The following MTHFD2L variants were observed in gnomAD, a reference collection of about 807,000 sequenced individuals.
MTHFD2L encodes bifunctional methylenetetrahydrofolate dehydrogenase/cyclohydrolase 2, mitochondrial.
A neutral mutation model predicts 34.9 loss-of-function variants in MTHFD2L; 29 were observed. That is an observed-to-expected ratio of 0.83 (90% confidence interval 0.62 to 1.13). MTHFD2L has a LOEUF of 1.13. Among genes scored for constraint, MTHFD2L ranks in the 50% most tolerant of loss-of-function variants. The pLI is 0.00. For synonymous variants in MTHFD2L, 167 were observed against 155.7 expected (o/e 1.07, Z -0.54); for missense variants, 481 against 446.5 (o/e 1.08, Z -0.70).
At chr4:74,146,249 G>A (rs1723586309) in intron 1 of MTHFD2L, among the ~76,000 whole-genome samples, 2 of 152,102 alleles carry the variant, frequency 1.3e-5, no homozygotes, top group Non-Finnish European at 2.9e-5. Flanking sequence ...TTGCCACTAG[G>A]AGTAAACATT....
chr4:74,251,237 T>C (rs1743268005), intron 6 of MTHFD2L, among the ~76,000 whole-genome samples: 1 of 152,226 alleles, frequency 6.6e-6, no homozygotes, highest in Admixed American at 6.5e-5. Context: ...TTTACAAGAA[T>C]TCAGTGTAAT....
At chr4:74,118,080 T>C (rs1294060795) in intron 2 of MTHFD2L, among the ~76,000 whole-genome samples, 1 of 152,212 alleles carries the variant, frequency 6.6e-6, no homozygotes, top group Non-Finnish European at 1.5e-5. Flanking sequence ...GCTTGGTACA[T>C]AGGGTGTTGA....
intron 6 of MTHFD2L, among the ~76,000 whole-genome samples, chr4:74,243,682 T>C (rs996768405): frequency 6.6e-6 from 1 of 152,202 alleles, no homozygotes; most frequent in Non-Finnish European, 1.5e-5. Flanking sequence ...TGTTGTTTTA[T>C]TTTTTGTTTG....
rs778746256 is a variant in MTHFD2L at position 74,301,559 on chromosome 4, CTGTT to C, written c.932-136_932-133del. 2,565 of 510,702 alleles carry C rather than the reference CTGTT, an allele frequency of 5.0e-3. 15 individuals carry two copies. The highest frequency in any genetic ancestry group is 0.012 in the Middle Eastern group (23 of 1,910). 31.6% of individuals were successfully genotyped at this position (510,702 alleles called of 1,614,324 possible). A position where few individuals can be genotyped will look rare whatever the true frequency, so the allele number is the denominator to read the frequency against. ...TGTGTGTGTGTGTGTGTGTGTGTGT[CTGTT>C]TATTACAGCCTACTTGATTCTAAAA... On this transcript the variant is annotated intron_variant, in intron 7 of 7. Coordinates refer to ENST00000325278, the MANE Select transcript of MTHFD2L (RefSeq NM_001144978.3).
intron 5 of MTHFD2L, among the ~76,000 whole-genome samples, chr4:74,201,671 G>A (rs1009593061): frequency 2.0e-5 from 3 of 151,364 alleles, no homozygotes; most frequent in Non-Finnish European, 2.9e-5. Flanking sequence ...ATGCCCTCAG[G>A]AAATACAAAA....
chr4:74,267,616 G>A (rs1745476233), intron 6 of MTHFD2L: 1 of 470,212 alleles, frequency 2.1e-6, no homozygotes, highest in Non-Finnish European at 2.8e-6. Flanking sequence ...GTTGCTGTTT[G>A]TAGTGACAAG....
intron 5 of MTHFD2L, among the ~76,000 whole-genome samples, chr4:74,206,665 TTGTA>T (rs1369755765): frequency 6.6e-6 from 1 of 152,198 alleles, no homozygotes; most frequent in Non-Finnish European, 1.5e-5. Context: ...TTTTACTTAT[TTGTA>T]TGTAGTCATC....
intron 1 of MTHFD2L, chr4:74,162,281 C>G (rs1451076833): frequency 6.6e-6 from 1 of 152,074 alleles, no homozygotes; most frequent in Non-Finnish European, 1.5e-5. Flanking sequence ...TTTTTATTGT[C>G]TAGTTCTTGG....
At chr4:74,216,997 A>G (rs1474617027) in intron 5 of MTHFD2L, among the ~76,000 whole-genome samples, 1 of 151,750 alleles carries the variant, frequency 6.6e-6, no homozygotes, top group African/African-American at 2.4e-5. Context: ...AATAACATCC[A>G]GGTTCCTTAC....
rs76115589 is a variant in MTHFD2L at position 74,169,435 on chromosome 4, T to G, written c.144-5071T>G. The stretch of plus-strand genomic sequence containing the variant: ...TGTGAACAAATTATTTTGTTTAATG[T>G]GAGTGAATCAATAATGTGTCAGCAG... On this transcript the variant is annotated intron_variant, in intron 1 of 7. Coordinates refer to ENST00000325278, the MANE Select transcript of MTHFD2L (RefSeq NM_001144978.3). Among the ~76,000 whole-genome samples, 733 of 152,320 alleles carry G rather than the reference T, an allele frequency of 4.8e-3. 9 individuals carry two copies. The highest frequency in any genetic ancestry group is 0.017 in the African/African-American group (710 of 41,572).
chr4:74,250,124 C>G (rs1029524039), intron 6 of MTHFD2L, among the ~76,000 whole-genome samples: 1 of 152,254 alleles, frequency 6.6e-6, no homozygotes, highest in South Asian at 2.1e-4. Flanking sequence ...ACCAATCAGA[C>G]GCAGATTTGG....
chr4:74,258,220 C>G (rs1436511261), intron 6 of MTHFD2L, among the ~76,000 whole-genome samples: 2 of 152,054 alleles, frequency 1.3e-5, no homozygotes, highest in Non-Finnish European at 2.9e-5. Flanking sequence ...TAGTAATCAC[C>G]CTTCTAAGTA....
intron 1 of MTHFD2L, among the ~76,000 whole-genome samples, chr4:74,150,988 T>TA (rs34247842): frequency 6.6e-6 from 1 of 151,824 alleles, no homozygotes; most frequent in African/African-American, 2.4e-5. Flanking sequence ...TAATATGTAG[T>TA]AAAAAATAAA....
chr4:74,117,996 T>C (rs1032988927), intron 2 of MTHFD2L, among the ~76,000 whole-genome samples: 1 of 152,228 alleles, frequency 6.6e-6, no homozygotes, highest in Non-Finnish European at 1.5e-5. Context: ...AAGAGATATC[T>C]TATTTATATA....
intron 5 of MTHFD2L, among the ~76,000 whole-genome samples, chr4:74,205,040 C>A (rs571051163): frequency 6.6e-6 from 1 of 152,174 alleles, no homozygotes; most frequent in East Asian, 1.9e-4. Context: ...ATTAAACTTA[C>A]CTTTATTATA....
At chr4:74,287,947 G>A (rs1197104122) in intron 7 of MTHFD2L, among the ~76,000 whole-genome samples, 1 of 152,260 alleles carries the variant, frequency 6.6e-6, no homozygotes, top group East Asian at 1.9e-4. Context: ...TCTGGAGGCT[G>A]GAAGTCCAGG....
intron 3 of MTHFD2L, among the ~76,000 whole-genome samples, chr4:74,197,546 C>T (rs1733697484): frequency 6.6e-6 from 1 of 151,868 alleles, no homozygotes; most frequent in South Asian, 2.1e-4. Context: ...GGGAGGGAGG[C>T]CTCTGTGATT....
chr4:74,221,811 G>T (rs1306000173), intron 5 of MTHFD2L, among the ~76,000 whole-genome samples: 1 of 147,970 alleles, frequency 6.8e-6, no homozygotes, highest in Non-Finnish European at 1.5e-5. Flanking sequence ...ATTTTTTACA[G>T]TTTTTTCTTT....
chr4:74,198,030 T>C (rs989089141), intron 3 of MTHFD2L, among the ~76,000 whole-genome samples: 2 of 152,354 alleles, frequency 1.3e-5, no homozygotes, highest in Non-Finnish European at 2.9e-5. Flanking sequence ...TCAGGTTTTA[T>C]GAATCTGCTA....
Sources: gnomAD v4.1 joint callset for allele counts (sites outside exome capture counted in the v4.1 genomes callset) on GRCh38, gnomAD v4.1.1 for gene constraint, MANE v1.5 for transcripts, NCBI Gene and HGNC (gene_info 2026-07-23, HGNC 2026-07-21) for gene names.